The following RBFOX3 variants were observed in gnomAD, a reference collection of about 807,000 sequenced individuals.
RBFOX3 encodes the protein RNA binding fox-1 homolog 3.
Under a neutral mutation model 48.7 loss-of-function variants are expected in RBFOX3, and 17 were observed. That is an observed-to-expected ratio of 0.35 (90% CI 0.24 to 0.52). The LOEUF (loss-of-function observed/expected upper bound fraction) is 0.52, where lower values mean the gene tolerates loss of function less well. RBFOX3 is among the 20% of genes least tolerant of loss of function. The probability of loss-of-function intolerance (pLI) is 0.94; values close to 1 mark genes in which losing one functional copy is unlikely to be tolerated. For synonymous variants in RBFOX3, 212 were observed against 209.5 expected, an observed-to-expected ratio of 1.01 and a Z score of -0.10; for missense variants, 382 against 497.5, an observed-to-expected ratio of 0.77 and a Z score of 2.21.
chr17:79,617,740 C>T, the RBFOX3 span, among the ~76,000 whole-genome samples: 1 of 152,336 alleles, frequency 6.6e-6, no homozygotes, highest in East Asian at 1.9e-4. Context: ...AAGTCATCCC[C>T]GCATTTTGAG....
chr17:79,466,525 G>A (rs1170796812), intron 2 of RBFOX3, among the ~76,000 whole-genome samples: 1 of 152,156 alleles, frequency 6.6e-6, no homozygotes, highest in African/African-American at 2.4e-5. Flanking sequence ...ACCTTGGGAG[G>A]GTCACCTGCA....
intron 2 of RBFOX3, among the ~76,000 whole-genome samples, chr17:79,454,868 T>C (rs2074205455): frequency 6.6e-6 from 1 of 152,076 alleles, no homozygotes; most frequent in Non-Finnish European, 1.5e-5. Flanking sequence ...CCATTGTAGC[T>C]CCTCAGTATT....
chr17:79,377,762 C>A (rs976938117), intron 2 of RBFOX3, among the ~76,000 whole-genome samples: 4 of 152,226 alleles, frequency 2.6e-5, no homozygotes, highest in African/African-American at 9.6e-5. Context: ...CAGAAGCCCA[C>A]GGCTTTCTAG....
intron 2 of RBFOX3, among the ~76,000 whole-genome samples, chr17:79,402,976 T>G (rs1044080357): frequency 2.6e-5 from 4 of 152,110 alleles, no homozygotes; most frequent in African/African-American, 9.7e-5. Context: ...AGGATCGCCA[T>G]CAGATCATGC....
At chr17:79,116,420 C>CAGGA (rs3046668) in intron 4 of RBFOX3, among the ~76,000 whole-genome samples, 24,833 of 152,192 alleles carry the variant, frequency 0.16, 2,026 homozygotes, top group South Asian at 0.24. Context: ...GAGGCTGAGG[C>CAGGA]AGGAGAATCA....
At chr17:79,308,889 C>A (rs1568016253) in intron 2 of RBFOX3, among the ~76,000 whole-genome samples, 1 of 151,998 alleles carries the variant, frequency 6.6e-6, no homozygotes, top group Non-Finnish European at 1.5e-5. Flanking sequence ...GAAGCCGAGG[C>A]GGGGGGATCA....
chr17:79,557,523 G>A (rs970815193), intron 1 of RBFOX3, among the ~76,000 whole-genome samples: 13 of 152,354 alleles, frequency 8.5e-5, no homozygotes, highest in Non-Finnish European at 1.3e-4. Flanking sequence ...GTGGGAGCCC[G>A]GCGGTGGTGG....
At position 79,103,310 on chromosome 17, in the gene RBFOX3, A is replaced by G; in HGVS notation, c.415-56T>C. On this transcript the variant is annotated intron_variant, in intron 7 of 14. Coordinates refer to ENST00000693108, the MANE Select transcript of RBFOX3 (RefSeq NM_001350451.2). The surrounding 1 kb of genome is among the most constrained non-coding windows in gnomAD (Gnocchi z 6.1). ...CGGAGAGGAGGACACAGGGCGAGAA[A>G]GAGGAGGAAGACGAGGAAGAAGAGG... 8.7e-7 allele frequency: 1 copy of G among 1,150,712 alleles called. No individual in the cohort carries two copies. The highest frequency in any genetic ancestry group is 1.3e-5 in the South Asian group (1 of 75,882). The allele number at this position is 1,150,712 out of a possible 1,614,324, so 71.3% of individuals were successfully genotyped here.
chr17:79,439,975 A>G (rs1365073787), intron 2 of RBFOX3, among the ~76,000 whole-genome samples: 2 of 152,216 alleles, frequency 1.3e-5, no homozygotes, highest in African/African-American at 2.4e-5. Context: ...AGGAGGACGC[A>G]GGAATGGCAT....
chr17:79,265,322 C>T (rs1338477721), intron 3 of RBFOX3, among the ~76,000 whole-genome samples: 1 of 152,240 alleles, frequency 6.6e-6, no homozygotes, highest in Admixed American at 6.5e-5. Flanking sequence ...TTCAGGCGGT[C>T]ATGGGGAGCA....
At chr17:79,355,927 C>A (rs2084899416) in intron 2 of RBFOX3, among the ~76,000 whole-genome samples, 1 of 152,172 alleles carries the variant, frequency 6.6e-6, no homozygotes, top group African/African-American at 2.4e-5. Context: ...AAGGAAAATT[C>A]CAGCTCTGCT....
At chr17:79,315,130 T>C (rs1240430684) in intron 2 of RBFOX3, among the ~76,000 whole-genome samples, 2 of 152,182 alleles carry the variant, frequency 1.3e-5, no homozygotes, top group African/African-American at 4.8e-5. Context: ...TTTCTATGAT[T>C]AGTGGCTCTG....
chr17:79,109,251 C>T (rs1599463673), intron 5 of RBFOX3, among the ~76,000 whole-genome samples: 1 of 152,182 alleles, frequency 6.6e-6, no homozygotes, highest in Non-Finnish European at 1.5e-5. Flanking sequence ...ACATGTGCCA[C>T]CCCCATCAGT....
intron 3 of RBFOX3, among the ~76,000 whole-genome samples, chr17:79,303,885 G>T (rs1165416123): frequency 1.3e-5 from 2 of 149,994 alleles, no homozygotes; most frequent in African/African-American, 5.0e-5. Flanking sequence ...GTGTGCATGT[G>T]TGTACTTGGC....
intron 4 of RBFOX3, among the ~76,000 whole-genome samples, chr17:79,117,410 C>G (rs2034368344): frequency 6.6e-6 from 1 of 152,222 alleles, no homozygotes; most frequent in African/African-American, 2.4e-5. Context: ...CCACCCCACG[C>G]TCCCATCACC....
intron 2 of RBFOX3, among the ~76,000 whole-genome samples, chr17:79,356,676 A>AC (rs2085197472): frequency 6.8e-6 from 1 of 147,302 alleles, no homozygotes; most frequent in East Asian, 2.0e-4. Flanking sequence ...GCCAGTTTTG[A>AC]TTTTTTTTTT....
chr17:79,665,178 C>G, the RBFOX3 span, among the ~76,000 whole-genome samples: 4 of 152,208 alleles, frequency 2.6e-5, no homozygotes, highest in African/African-American at 9.7e-5. Context: ...TTCAAATCGG[C>G]AAAGGAGAAG....
intron 3 of RBFOX3, among the ~76,000 whole-genome samples, chr17:79,274,126 A>G (rs1238137977): frequency 6.6e-6 from 1 of 152,134 alleles, no homozygotes; most frequent in African/African-American, 2.4e-5. Context: ...CGGTCCTCCC[A>G]CCAGCAGTGT....
intron 3 of RBFOX3, among the ~76,000 whole-genome samples, chr17:79,283,539 G>A (rs1481608303): frequency 6.6e-6 from 1 of 151,402 alleles, no homozygotes; most frequent in African/African-American, 2.5e-5. Flanking sequence ...AAAGTGCTGG[G>A]ATTACAGGCG....
Sources: allele counts gnomAD v4.1 joint callset (sites outside exome capture counted in the v4.1 genomes callset), GRCh38; gene constraint gnomAD v4.1.1; non-coding constraint Gnocchi (gnomAD v3.1); transcripts MANE v1.5; gene names NCBI Gene and HGNC (gene_info 2026-07-23, HGNC 2026-07-21).